Variants in GDPD5 observed in about 807,000 individuals in gnomAD.
The protein encoded by GDPD5 is glycerophosphodiester phosphodiesterase domain containing 5.
Under a neutral mutation model 75.1 loss-of-function variants are expected in GDPD5, and 48 were observed. The ratio of observed to expected loss-of-function variants is 0.64; its 90% CI spans 0.51 to 0.81. GDPD5 has a LOEUF of 0.81. Among genes scored for constraint, GDPD5 ranks in the 40% least tolerant of loss-of-function variants. The pLI is 0.00. For synonymous variants in GDPD5, 336 were observed against 339.0 expected (o/e 0.99, Z 0.10); for missense variants, 706 against 822.6 (o/e 0.86, Z 1.73).
At chr11:75,435,994 A>C (rs1948615627) in intron 16 of GDPD5, among the ~76,000 whole-genome samples, 1 of 152,096 alleles carries the variant, frequency 6.6e-6, no homozygotes, top group East Asian at 1.9e-4. Context: ...CTTTTCCTAC[A>C]GTCTGGCTCA....
In GDPD5 at chr11:75,441,762, C is replaced by A; in HGVS notation, c.1209G>T (p.Lys403Asn). Reference protein sequence around the residue: ...LPSRQRPLVRKVAPGFQQTSG... With the variant: ...LPSRQRPLVRNVAPGFQQTSG... The stretch of plus-strand genomic sequence containing the variant: ...ATGTCTGTTGGAAGCCGGGAGCCAC[C>A]TTCCGCACCAGGGGCCTCTGCCTGC... Residue 403 changes from lysine (K) to asparagine (N), a missense_variant, in exon 13 of 17, where the codon AAG becomes AAT. Lys to Asn is a moderately conservative substitution (Grantham distance 94). Coordinates refer to ENST00000336898, the MANE Select transcript of GDPD5 (RefSeq NM_030792.8). The A allele has an allele frequency of 6.2e-7, 1 of 1,611,284 alleles. No homozygotes were observed. The highest frequency in any genetic ancestry group is 1.3e-5 in the African/African-American group (1 of 75,038).
At chr11:75,462,002 G>A (rs1418379777) in intron 4 of GDPD5, among the ~76,000 whole-genome samples, 2 of 152,180 alleles carry the variant, frequency 1.3e-5, no homozygotes, top group African/African-American at 4.8e-5. Context: ...TGGCTCAGAC[G>A]GCCCTGCCTT....
chr11:75,493,469 A>G (rs2135426184), intron 1 of GDPD5, among the ~76,000 whole-genome samples: 1 of 151,812 alleles, frequency 6.6e-6, no homozygotes, highest in East Asian at 1.9e-4. Context: ...CAGGCAAATC[A>G]TGGCAGACTA....
intron 3 of GDPD5, among the ~76,000 whole-genome samples, chr11:75,472,599 G>A (rs1478571341): frequency 6.6e-6 from 1 of 152,080 alleles, no homozygotes; most frequent in Non-Finnish European, 1.5e-5. Flanking sequence ...ACACCCGTCC[G>A]CACATGTACG....
chr11:75,441,801 G>T lies in GDPD5; in HGVS notation c.1170C>A (p.Val390=). 1 of 1,607,150 alleles carries T rather than the reference G, an allele frequency of 6.2e-7. No individual in the cohort carries two copies. The highest frequency in any genetic ancestry group is 1.3e-5 in the African/African-American group (1 of 75,022). The change falls in exon 13 of 17, where the codon GTC becomes GTA. Residue 390 remains valine, a splice_region_variant and synonymous_variant. Coordinates refer to ENST00000336898, the MANE Select transcript of GDPD5 (RefSeq NM_030792.8). ...VLHSGFPQHQ[V]MWLPSRQRPL... is the part of the protein sequence containing the mutation. ...GCCTCTGCCTGCTAGGCAGCCACATGACCTGCAGGCAGAAGAGAGGCAGCC... is the reference window on the plus strand; with the variant it reads ...GCCTCTGCCTGCTAGGCAGCCACATTACCTGCAGGCAGAAGAGAGGCAGCC...
chr11:75,457,676 A>T lies in GDPD5; in HGVS notation c.315+17T>A. 1 of 1,613,000 alleles carries T rather than the reference A, an allele frequency of 6.2e-7. No individual in the cohort carries two copies. The highest frequency in any genetic ancestry group is 8.5e-7 in the Non-Finnish European group (1 of 1,179,050). ...CTGGGAGCAGGGCCACCTGCCCTCC[A>T]AAACAGCCCCATGTACCAGGAGGCC... On this transcript the variant is annotated intron_variant, in intron 5 of 16. Coordinates refer to ENST00000336898, the MANE Select transcript of GDPD5 (RefSeq NM_030792.8).
intron 1 of GDPD5, among the ~76,000 whole-genome samples, chr11:75,524,767 G>T (rs1941598618): frequency 6.6e-6 from 1 of 152,152 alleles, no homozygotes; most frequent in Non-Finnish European, 1.5e-5. Context: ...CCTCAACTCT[G>T]AGTCACCTTT....
intron 1 of GDPD5, among the ~76,000 whole-genome samples, chr11:75,521,854 C>A (rs951349817): frequency 3.3e-5 from 5 of 152,034 alleles, no homozygotes; most frequent in East Asian, 1.9e-4. Flanking sequence ...GGAGACAGTG[C>A]AGAGCAATGA....
chr11:75,454,804 T>G (rs1949249226), intron 6 of GDPD5, among the ~76,000 whole-genome samples: 1 of 152,258 alleles, frequency 6.6e-6, no homozygotes, highest in Non-Finnish European at 1.5e-5. Flanking sequence ...GAGACTTTCT[T>G]TGTATACTTT....
At position 75,472,640 on chromosome 11, in the gene GDPD5, C is replaced by T. The variant is rs147789103; in HGVS notation, c.117+4979G>A. Reference sequence around the variant, plus strand: ...ATTCTCTGACAGCTCATTAGGGGTCCGGCTGCCCCACCTGGTCAGCAAGAT... The same window carrying T: ...ATTCTCTGACAGCTCATTAGGGGTCTGGCTGCCCCACCTGGTCAGCAAGAT... On this transcript the variant is annotated intron_variant, in intron 3 of 16. Coordinates refer to ENST00000336898, the MANE Select transcript of GDPD5 (RefSeq NM_030792.8). Among the ~76,000 whole-genome samples, 641 of 152,268 alleles carry T rather than the reference C, an allele frequency of 4.2e-3. 2 individuals carry two copies. Among genetic ancestry groups the T allele is most frequent in the African/African-American group, 0.014 (583 of 41,554 alleles).
chr11:75,459,255 TA>T (rs1384567016), intron 4 of GDPD5, among the ~76,000 whole-genome samples: 1 of 152,230 alleles, frequency 6.6e-6, no homozygotes, highest in Non-Finnish European at 1.5e-5. Context: ...ATGAAATTTT[TA>T]TACATATCTT....
intron 4 of GDPD5, among the ~76,000 whole-genome samples, chr11:75,459,700 C>T (rs972766697): frequency 1.3e-5 from 2 of 151,168 alleles, no homozygotes; most frequent in African/African-American, 4.9e-5. Context: ...GTTCCAGCTA[C>T]TTGGGAGGCT....
At chr11:75,448,463 C>T (rs1357080814) in intron 9 of GDPD5, 2 of 985,426 alleles carry the variant, frequency 2.0e-6, no homozygotes, top group African/African-American at 1.7e-5. Flanking sequence ...CTAACTCAGG[C>T]AACATGGCTC....
chr11:75,499,313 T>C (rs1198105086), intron 1 of GDPD5, among the ~76,000 whole-genome samples: 1 of 151,950 alleles, frequency 6.6e-6, no homozygotes, highest in African/African-American at 2.4e-5. Flanking sequence ...TCATCTGAGC[T>C]GGTTTATACC....
Position 75,449,601 on chromosome 11 carries a change from G to A in GDPD5, c.484C>T (p.Pro162Ser). Residue 162 changes from proline to serine, a missense_variant, in exon 8 of 17, where the codon CCA (proline) becomes TCA (serine). By Grantham distance (74) the Pro-to-Ser change is moderately conservative (BLOSUM62 -1). Coordinates refer to ENST00000336898, the MANE Select transcript of GDPD5 (RefSeq NM_030792.8). The stretch of plus-strand genomic sequence containing the variant: ...GCCACAGCCCCCACATGCAGGAATG[G>A]CGCTGTGCCCTGTTTGCAGGGAGAG... ...VLLISLQGTAPFLHVGAVAAV... is the reference protein window; with the variant it reads ...VLLISLQGTASFLHVGAVAAV... 6.3e-7 allele frequency: 1 copy of A among 1,579,124 alleles called. No individual in the cohort carries two copies. Among genetic ancestry groups the A allele is most frequent in the Non-Finnish European group, 8.6e-7 (1 of 1,162,446 alleles).
chr11:75,459,492 G>A (rs985699845), intron 4 of GDPD5, among the ~76,000 whole-genome samples: 7 of 152,218 alleles, frequency 4.6e-5, no homozygotes, highest in African/African-American at 1.7e-4. Context: ...TAAGGGGCAT[G>A]ATAGATACTG....
intron 1 of GDPD5, among the ~76,000 whole-genome samples, chr11:75,521,694 G>A (rs892150406): frequency 6.6e-6 from 1 of 152,170 alleles, no homozygotes; most frequent in Admixed American, 6.5e-5. Context: ...CCAGAGGGTT[G>A]GGTAATCCAG....
At chr11:75,464,726 T>G (rs1949482248) in intron 3 of GDPD5, among the ~76,000 whole-genome samples, 1 of 152,188 alleles carries the variant, frequency 6.6e-6, no homozygotes, top group Non-Finnish European at 1.5e-5. Flanking sequence ...AGTAGGCCAC[T>G]TGTGTCTGCC....
intron 1 of GDPD5, among the ~76,000 whole-genome samples, chr11:75,504,924 G>C (rs1349120412): frequency 6.6e-6 from 1 of 152,222 alleles, no homozygotes; most frequent in East Asian, 1.9e-4. Context: ...TCAGGAGTTC[G>C]AGACCAGCCC....
Sources: gnomAD v4.1 joint callset for allele counts (sites outside exome capture counted in the v4.1 genomes callset) on GRCh38, gnomAD v4.1.1 for gene constraint, MANE v1.5 for transcripts, NCBI Gene and HGNC (gene_info 2026-07-23, HGNC 2026-07-21) for gene names.